CSMD3: variants seen among roughly 807,000 people sequenced by gnomAD.
CSMD3 encodes the protein CUB and Sushi multiple domains 3.
CSMD3 carries 177 observed loss-of-function variants against 435.2 expected under a neutral mutation model. That is an observed-to-expected ratio of 0.41 (90% CI 0.36 to 0.46). The LOEUF is 0.46. CSMD3 is among the 20% of genes least tolerant of loss of function. The pLI is 0.34. For missense variants in CSMD3, 4,265 were observed against 4,504.6 expected (o/e 0.95, Z 1.52); for synonymous variants, 1,656 against 1,520.5 (o/e 1.09, Z -2.07).
intron 65 of CSMD3, among the ~76,000 whole-genome samples, chr8:112,243,371 G>A (rs747638351): frequency 5.3e-5 from 8 of 151,998 alleles, no homozygotes; most frequent in Non-Finnish European, 1.2e-4. Context: ...TAGGTTTTTT[G>A]GATATAAGGA....
intron 24 of CSMD3, among the ~76,000 whole-genome samples, chr8:112,564,614 A>C (rs1828920987): frequency 6.6e-6 from 1 of 152,066 alleles, no homozygotes; most frequent in African/African-American, 2.4e-5. Context: ...ACAACCTGAC[A>C]GCACCATACT....
chr8:112,626,420 T>G (rs1834478782), intron 22 of CSMD3, among the ~76,000 whole-genome samples: 1 of 152,092 alleles, frequency 6.6e-6, no homozygotes, highest in African/African-American at 2.4e-5. Flanking sequence ...TAAAACCAAT[T>G]ATTAGAAATC....
chr8:112,477,852 T>C (rs1219490218), intron 31 of CSMD3, among the ~76,000 whole-genome samples: 3 of 152,188 alleles, frequency 2.0e-5, no homozygotes, highest in Non-Finnish European at 4.4e-5. Context: ...ACTAGAAAAT[T>C]CCTATCAAGC....
chr8:112,698,484 C>T (rs1348346011), intron 13 of CSMD3, among the ~76,000 whole-genome samples: 1 of 151,958 alleles, frequency 6.6e-6, no homozygotes, highest in South Asian at 2.1e-4. Flanking sequence ...TACCATTCTT[C>T]ACTAAAGGGA....
In CSMD3 at chr8:112,336,635, CA is replaced by C. The variant is rs1824588964; in HGVS notation, c.7019+16del. 1 of 1,563,234 alleles carries C rather than the reference CA, an allele frequency of 6.4e-7. No homozygotes were observed. The highest frequency in any genetic ancestry group is 1.7e-5 in the Admixed American group (1 of 59,892). The stretch of plus-strand genomic sequence containing the variant: ...TGTATATAATTGAATAAATCAATAA[CA>C]ATAGTCCTGACTTACCATACAGTAA... On this transcript the variant is annotated intron_variant, in intron 44 of 70. Transcript: ENST00000297405.
rs528736015 is a variant in CSMD3 at position 112,587,542 on chromosome 8, C to T, written c.3716-307G>A. 1.2e-3 allele frequency among the ~76,000 whole-genome samples: 177 copies of T among 151,828 alleles called. 1 individual carries two copies. The highest frequency in any genetic ancestry group is 0.01 in the Middle Eastern group (3 of 294). ...AGCATGAACTTAAGAATGTATTTTA[C>T]ATTTGTGATTTCTGATAAATGTAAT... On this transcript the variant is annotated intron_variant, in intron 22 of 70. Coordinates refer to ENST00000297405, the MANE Select transcript of CSMD3 (RefSeq NM_198123.2).
intron 13 of CSMD3, among the ~76,000 whole-genome samples, chr8:112,746,923 T>C (rs1490491152): frequency 6.6e-6 from 1 of 152,122 alleles, no homozygotes; most frequent in Non-Finnish European, 1.5e-5. Context: ...TTTCTTTCTG[T>C]TGATTTCAAA....
At chr8:112,698,934 A>G (rs776116125) in intron 13 of CSMD3, among the ~76,000 whole-genome samples, 1 of 152,056 alleles carries the variant, frequency 6.6e-6, no homozygotes, top group Non-Finnish European at 1.5e-5. Flanking sequence ...AAACGCACCA[A>G]TCAGCGCTCC....
chr8:112,790,719 A>G (rs1306112023), intron 13 of CSMD3, among the ~76,000 whole-genome samples: 2 of 152,144 alleles, frequency 1.3e-5, no homozygotes, highest in African/African-American at 4.8e-5. Flanking sequence ...TTCAACATTT[A>G]AAAAATGAAT....
At chr8:112,872,865 T>C (rs918668153) in intron 10 of CSMD3, among the ~76,000 whole-genome samples, 5 of 151,962 alleles carry the variant, frequency 3.3e-5, no homozygotes, top group African/African-American at 1.2e-4. Context: ...ATAGAAAGCC[T>C]AGCATTCTCA....
At chr8:112,706,608 T>C (rs1348892166) in intron 13 of CSMD3, among the ~76,000 whole-genome samples, 1 of 151,936 alleles carries the variant, frequency 6.6e-6, no homozygotes, top group Non-Finnish European at 1.5e-5. Context: ...ATTCAACAGC[T>C]CAGTAGAACT....
At chr8:112,253,247 G>A (rs1319524749) in intron 63 of CSMD3, among the ~76,000 whole-genome samples, 1 of 151,794 alleles carries the variant, frequency 6.6e-6, no homozygotes, top group Non-Finnish European at 1.5e-5. Context: ...TCAGGATTTA[G>A]ATCAATTGAT....
Position 112,779,849 on chromosome 8 carries a change from TCTC to T in CSMD3, c.1972+20310_1972+20312del, listed in dbSNP as rs201806615. Among the ~76,000 whole-genome samples the T allele has an allele frequency of 5.6e-4, 85 of 152,176 alleles. No individual in the cohort carries two copies. In the East Asian group the frequency reaches 8.3e-3, roughly 15 times the overall value. ...TATTTAATCAAATGAAGAACTCTGATCTCCTCTGCTGTTAAAAAATCAAATTCT... is the reference window on the plus strand; with the variant it reads ...TATTTAATCAAATGAAGAACTCTGATCTCTGCTGTTAAAAAATCAAATTCT... On this transcript the variant is annotated intron_variant, in intron 13 of 70. Transcript: ENST00000297405.
chr8:112,376,627 C>T (rs1828966079), intron 38 of CSMD3, among the ~76,000 whole-genome samples: 2 of 151,954 alleles, frequency 1.3e-5, no homozygotes, highest in South Asian at 4.1e-4. Flanking sequence ...CAGAAGCCAG[C>T]ACAATTACAA....
chr8:113,197,108 T>C (rs1588255260), intron 3 of CSMD3, among the ~76,000 whole-genome samples: 1 of 151,378 alleles, frequency 6.6e-6, no homozygotes, highest in East Asian at 1.9e-4. Flanking sequence ...ATCTACCTCA[T>C]ATACAGGCTG....
intron 1 of CSMD3, among the ~76,000 whole-genome samples, chr8:113,396,080 A>G (rs2094482218): frequency 6.6e-6 from 1 of 152,154 alleles, no homozygotes; most frequent in Admixed American, 6.5e-5. Flanking sequence ...AATTAAATTA[A>G]CTATGCTATA....
At chr8:112,315,521 G>A (rs1365746078) in intron 47 of CSMD3, among the ~76,000 whole-genome samples, 1 of 151,706 alleles carries the variant, frequency 6.6e-6, no homozygotes. Context: ...AAGAGTATTG[G>A]AATTATTTAG....
intron 3 of CSMD3, among the ~76,000 whole-genome samples, chr8:113,222,823 T>C (rs974716453): frequency 9.3e-5 from 14 of 151,114 alleles, no homozygotes; most frequent in Admixed American, 2.0e-4. Context: ...CAATTTGACA[T>C]ACTTTCAAAG....
intron 1 of CSMD3, among the ~76,000 whole-genome samples, chr8:113,323,206 T>A (rs2093960740): frequency 6.6e-6 from 1 of 152,216 alleles, no homozygotes; most frequent in African/African-American, 2.4e-5. Flanking sequence ...CATAAGAATG[T>A]AAGTTTCATG....
Sources: gnomAD v4.1 joint callset for allele counts (sites outside exome capture counted in the v4.1 genomes callset) on GRCh38, gnomAD v4.1.1 for gene constraint, MANE v1.5 for transcripts, NCBI Gene and HGNC (gene_info 2026-07-23, HGNC 2026-07-21) for gene names.